Variants in OTUD7A observed in about 807,000 individuals in gnomAD.
OTUD7A encodes the protein OTU deubiquitinase 7A.
A neutral mutation model predicts 65.7 loss-of-function variants in OTUD7A; 12 were observed. The ratio of observed to expected loss-of-function variants is 0.18; its 90% confidence interval spans 0.12 to 0.30. OTUD7A has a LOEUF of 0.30. Among genes scored for constraint, OTUD7A ranks in the 10% least tolerant of loss-of-function variants. The pLI, the probability that OTUD7A is intolerant of heterozygous loss-of-function variation, is 1.00. For synonymous variants in OTUD7A, 641 were observed against 586.3 expected (o/e 1.09, Z -1.35); for missense variants, 1,148 against 1,304.8 (o/e 0.88, Z 1.85).
intron 8 of OTUD7A, among the ~76,000 whole-genome samples, chr15:31,523,163 T>C (rs1257681453): frequency 6.6e-6 from 1 of 152,262 alleles, no homozygotes; most frequent in East Asian, 1.9e-4. Context: ...CAGGGGGCTA[T>C]CAGCCCCAAG....
At chr15:31,522,685 T>C (rs1266136077) in intron 8 of OTUD7A, among the ~76,000 whole-genome samples, 8 of 152,112 alleles carry the variant, frequency 5.3e-5, no homozygotes, top group Non-Finnish European at 5.9e-5. Context: ...CCATCTGACC[T>C]CACTAATCCC....
chr15:31,711,206 C>T (rs1227354406), intron 1 of OTUD7A, among the ~76,000 whole-genome samples: 2 of 151,854 alleles, frequency 1.3e-5, no homozygotes, highest in Admixed American at 6.6e-5. Context: ...TCAGAAAACA[C>T]ATAAGAAACA....
At chr15:31,636,025 T>C (rs1595674838) in intron 3 of OTUD7A, among the ~76,000 whole-genome samples, 1 of 152,252 alleles carries the variant, frequency 6.6e-6, no homozygotes, top group East Asian at 1.9e-4. Context: ...AAAAATTTAA[T>C]CGCTTTATAC....
chr15:31,740,629 G>GA (rs200361442), intron 1 of OTUD7A, among the ~76,000 whole-genome samples: 2,557 of 151,438 alleles, frequency 0.017, 80 homozygotes, highest in African/African-American at 0.059. Context: ...GTGAGAGGGG[G>GA]AAAAAAAACA....
At position 31,592,635 on chromosome 15, in the gene OTUD7A, T is replaced by C. The variant is rs976940551; in HGVS notation, c.152-22438A>G. Among the ~76,000 whole-genome samples the C allele has an allele frequency of 3.9e-4, 59 of 151,702 alleles. No homozygotes were observed. In the East Asian group the frequency reaches 0.011, roughly 28 times the overall value. ...GTGGCTCACGCCTGTAATCCCAGCA[T>C]TTTGGGAGGCTGAGGCGGGCAGATC... On this transcript the variant is annotated intron_variant, in intron 3 of 12. Coordinates refer to ENST00000307050, the MANE Select transcript of OTUD7A (RefSeq NM_001382637.1).
intron 1 of OTUD7A, among the ~76,000 whole-genome samples, chr15:31,747,438 G>A (rs1435934266): frequency 6.6e-6 from 1 of 152,194 alleles, no homozygotes; most frequent in Non-Finnish European, 1.5e-5. Context: ...AGAAAGGAAG[G>A]AGGTGTTGAG....
chr15:31,627,025 C>A (rs145869122), intron 3 of OTUD7A, among the ~76,000 whole-genome samples: 1 of 151,730 alleles, frequency 6.6e-6, no homozygotes, highest in Non-Finnish European at 1.5e-5. Context: ...CTCTCCTCCA[C>A]GTTGATGGCA....
chr15:31,493,252 A>G (rs2041342823), intron 10 of OTUD7A, among the ~76,000 whole-genome samples: 1 of 152,218 alleles, frequency 6.6e-6, no homozygotes, highest in Non-Finnish European at 1.5e-5. Flanking sequence ...TATTTATGTC[A>G]AAGTAGGCTC....
intron 5 of OTUD7A, among the ~76,000 whole-genome samples, chr15:31,534,064 C>T (rs766158609): frequency 1.3e-4 from 20 of 152,234 alleles, no homozygotes; most frequent in Non-Finnish European, 2.6e-4. Context: ...CAATATTACA[C>T]AAGCTCCTCC....
intron 8 of OTUD7A, among the ~76,000 whole-genome samples, chr15:31,504,690 C>G (rs1042029805): frequency 1.4e-4 from 4 of 28,502 alleles, no homozygotes; most frequent in Non-Finnish European, 6.0e-5. Flanking sequence ...TCAGAATTAG[C>G]TGACGGCAGC....
chr15:31,576,750 G>C (rs1889214747), intron 3 of OTUD7A, among the ~76,000 whole-genome samples: 1 of 152,134 alleles, frequency 6.6e-6, no homozygotes, highest in Admixed American at 6.5e-5. Flanking sequence ...CATAAATGTG[G>C]AAAACTTAGA....
At chr15:31,850,841 T>C (rs1897407328) in intron 1 of OTUD7A, among the ~76,000 whole-genome samples, 1 of 152,080 alleles carries the variant, frequency 6.6e-6, no homozygotes, top group South Asian at 2.1e-4. Context: ...ACAACCTCAT[T>C]GGCCAGGCAC....
intron 1 of OTUD7A, among the ~76,000 whole-genome samples, chr15:31,835,564 T>C (rs1465159227): frequency 6.6e-6 from 1 of 152,166 alleles, no homozygotes; most frequent in Admixed American, 6.5e-5. Context: ...TATGCTGTTT[T>C]ATTCCCTTTC....
intron 10 of OTUD7A, 50 bp downstream of exon 10, chr15:31,501,640 C>G (rs755437403): frequency 6.2e-7 from 1 of 1,611,150 alleles, no homozygotes; most frequent in South Asian, 1.1e-5. Context: ...TCTGATGGCT[C>G]TGCCCCCACC....
chr15:31,588,798 AG>A (rs1165055977), intron 3 of OTUD7A, among the ~76,000 whole-genome samples: 2 of 152,232 alleles, frequency 1.3e-5, no homozygotes, highest in Non-Finnish European at 2.9e-5. Context: ...CAGCAGGGAC[AG>A]GGGAAGTCCC....
intron 1 of OTUD7A, among the ~76,000 whole-genome samples, chr15:31,718,205 A>G (rs2141345491): frequency 6.6e-6 from 1 of 152,256 alleles, no homozygotes; most frequent in East Asian, 1.9e-4. Context: ...CCACCCCTAA[A>G]TAGTTACTAT....
intron 1 of OTUD7A, among the ~76,000 whole-genome samples, chr15:31,741,474 T>G (rs941276927): frequency 6.6e-6 from 1 of 152,210 alleles, no homozygotes; most frequent in Non-Finnish European, 1.5e-5. Context: ...ACATGGATAT[T>G]CACTTTATTG....
chr15:31,506,083 A>G (rs1330978424), intron 8 of OTUD7A, among the ~76,000 whole-genome samples: 1 of 152,052 alleles, frequency 6.6e-6, no homozygotes, highest in East Asian at 1.9e-4. Flanking sequence ...ATTATTTTAG[A>G]AAAAGGGTTA....
At chr15:31,710,048 G>C (rs1893402275) in intron 1 of OTUD7A, among the ~76,000 whole-genome samples, 1 of 152,128 alleles carries the variant, frequency 6.6e-6, no homozygotes, top group African/African-American at 2.4e-5. Context: ...TAGAACAGAA[G>C]TGGGAAAAGA....
Sources: gnomAD v4.1 joint callset for allele counts (sites outside exome capture counted in the v4.1 genomes callset) on GRCh38, gnomAD v4.1.1 for gene constraint, MANE v1.5 for transcripts, NCBI Gene and HGNC (gene_info 2026-07-23, HGNC 2026-07-21) for gene names.